BTBD9: variants seen among roughly 807,000 people sequenced by gnomAD.
BTBD9 encodes the protein BTB/POZ domain-containing protein 9.
A neutral mutation model predicts 64.3 loss-of-function variants in BTBD9; 49 were observed. That is an observed-to-expected ratio of 0.76 (90% CI 0.61 to 0.97). The LOEUF (loss-of-function observed/expected upper bound fraction) is 0.97. Ranked by LOEUF, BTBD9 falls within the 50% of genes least tolerant of loss-of-function variation. The pLI, the probability that BTBD9 is intolerant of heterozygous loss-of-function variation, is 0.00. For synonymous variants in BTBD9, 260 were observed against 274.7 expected, an observed-to-expected ratio of 0.95 and a Z score of 0.53; for missense variants, 598 against 762.1, an observed-to-expected ratio of 0.78 and a Z score of 2.53.
chr6:38,277,326 T>TA (rs1295739361), intron 8 of BTBD9, among the ~76,000 whole-genome samples: 3 of 152,034 alleles, frequency 2.0e-5, no homozygotes, highest in Non-Finnish European at 2.9e-5. Flanking sequence ...CATAGGCTTT[T>TA]ATTTACAGAA....
chr6:38,441,421 A>G (rs1166408222), intron 6 of BTBD9, among the ~76,000 whole-genome samples: 1 of 152,054 alleles, frequency 6.6e-6, no homozygotes, highest in Non-Finnish European at 1.5e-5. Context: ...ACCTTATCCT[A>G]GGAGATGTTT....
At chr6:38,231,492 T>C (rs181404773) in intron 9 of BTBD9, among the ~76,000 whole-genome samples, 2 of 152,328 alleles carry the variant, frequency 1.3e-5, no homozygotes, top group Admixed American at 6.5e-5. Flanking sequence ...TTCATTTATA[T>C]ATAATTTTGC....
chr6:38,535,966 T>C (rs777947159), intron 6 of BTBD9, among the ~76,000 whole-genome samples: 8 of 151,890 alleles, frequency 5.3e-5, no homozygotes, highest in Non-Finnish European at 8.8e-5. Context: ...TCCAAAAGCA[T>C]AGGCAAGCAA....
At chr6:38,496,395 T>A (rs1771954800) in intron 6 of BTBD9, among the ~76,000 whole-genome samples, 1 of 152,000 alleles carries the variant, frequency 6.6e-6, no homozygotes, top group African/African-American at 2.4e-5. Flanking sequence ...GTAACCATAG[T>A]ACTTTGGGAG....
chr6:38,283,484 C>T (rs1285725033), intron 8 of BTBD9, among the ~76,000 whole-genome samples: 1 of 152,046 alleles, frequency 6.6e-6, no homozygotes, highest in Non-Finnish European at 1.5e-5. Flanking sequence ...CCTGTCTCTA[C>T]AAAAAATTTT....
At chr6:38,489,583 G>A (rs1303607518) in intron 6 of BTBD9, among the ~76,000 whole-genome samples, 1 of 152,130 alleles carries the variant, frequency 6.6e-6, no homozygotes, top group Non-Finnish European at 1.5e-5. Context: ...TCCATTGTGT[G>A]TATGTATAAT....
At chr6:38,629,578 C>T (rs1013028972) in intron 1 of BTBD9, among the ~76,000 whole-genome samples, 2 of 152,100 alleles carry the variant, frequency 1.3e-5, no homozygotes, top group African/African-American at 2.4e-5. Context: ...AATCCCAGCA[C>T]TTTGGGAGGC....
At chr6:38,295,259 GGCTCAA>G (rs1762116425) in intron 7 of BTBD9, among the ~76,000 whole-genome samples, 1 of 152,106 alleles carries the variant, frequency 6.6e-6, no homozygotes, top group Admixed American at 6.6e-5. Context: ...TGGACTCCCA[GGCTCAA>G]GCAATCCTCC....
rs1764206747 is a variant in BTBD9, at chr6:38,344,435, AAAAGTGACAATTC to A, written c.1264+536_1264+548del. Among the ~76,000 whole-genome samples, 3 of 148,270 alleles carry A rather than the reference AAAAGTGACAATTC, an allele frequency of 2.0e-5. No homozygotes were observed. In the South Asian group the frequency reaches 8.1e-4, roughly 40 times the overall value. ...AACTTGACTTTTGCAATGACAATTC[AAAAGTGACAATTC>A]AGTCACTTTGGTCTTACTTAAATTA... On this transcript the variant is annotated intron_variant, in intron 7 of 10. Transcript: ENST00000481247.
intron 6 of BTBD9, among the ~76,000 whole-genome samples, chr6:38,425,752 T>TAAAA (rs755397152): frequency 1.5e-5 from 2 of 135,612 alleles, no homozygotes; most frequent in East Asian, 2.1e-4. Context: ...TACCAATAAC[T>TAAAA]AAAAAAAAAA....
At chr6:38,526,566 T>C (rs1235387834) in intron 6 of BTBD9, among the ~76,000 whole-genome samples, 1 of 152,182 alleles carries the variant, frequency 6.6e-6, no homozygotes, top group African/African-American at 2.4e-5. Context: ...GCTTGCACCG[T>C]GCACCTGGAA....
At chr6:38,470,689 AGT>A (rs759186960) in intron 6 of BTBD9, among the ~76,000 whole-genome samples, 1 of 152,232 alleles carries the variant, frequency 6.6e-6, no homozygotes, top group Non-Finnish European at 1.5e-5. Flanking sequence ...ACAAGAGAAG[AGT>A]GTGTACCTCT....
chr6:38,339,079 C>T (rs1209021316), intron 7 of BTBD9, among the ~76,000 whole-genome samples: 1 of 152,158 alleles, frequency 6.6e-6, no homozygotes, highest in East Asian at 1.9e-4. Context: ...ATTCTATGTG[C>T]ATTTACTCTT....
intron 6 of BTBD9, among the ~76,000 whole-genome samples, chr6:38,489,206 T>C (rs1771589919): frequency 6.6e-6 from 1 of 152,198 alleles, no homozygotes; most frequent in Non-Finnish European, 1.5e-5. Context: ...CTTACAGCTT[T>C]TTTAAAAATG....
At chr6:38,539,838 T>C (rs1165252851) in intron 6 of BTBD9, among the ~76,000 whole-genome samples, 1 of 152,188 alleles carries the variant, frequency 6.6e-6, no homozygotes, top group African/African-American at 2.4e-5. Context: ...CATGATTCCA[T>C]GTTAGGCTCT....
intron 9 of BTBD9, among the ~76,000 whole-genome samples, chr6:38,240,401 A>C (rs1179549044): frequency 6.6e-6 from 1 of 152,248 alleles, no homozygotes; most frequent in Non-Finnish European, 1.5e-5. Context: ...CCTGACCTAA[A>C]GCAGTGGCTC....
At chr6:38,505,656 T>C (rs1772448944) in intron 6 of BTBD9, among the ~76,000 whole-genome samples, 1 of 149,610 alleles carries the variant, frequency 6.7e-6, no homozygotes, top group Non-Finnish European at 1.5e-5. Context: ...TGCAACTGAA[T>C]TTCAGTATAT....
chr6:38,409,991 C>G (rs1233029240), intron 6 of BTBD9, among the ~76,000 whole-genome samples: 3 of 152,146 alleles, frequency 2.0e-5, no homozygotes, highest in Non-Finnish European at 4.4e-5. Context: ...TAATCATTTT[C>G]TAGAGCTAAA....
At chr6:38,392,459 A>G (rs1311667299) in intron 6 of BTBD9, among the ~76,000 whole-genome samples, 2 of 152,148 alleles carry the variant, frequency 1.3e-5, no homozygotes, top group African/African-American at 4.8e-5. Context: ...ACTCCTTTTT[A>G]AGCTGGGGAA....
Sources: gnomAD v4.1 joint callset for allele counts (sites outside exome capture counted in the v4.1 genomes callset) on GRCh38, gnomAD v4.1.1 for gene constraint, MANE v1.5 for transcripts, NCBI Gene and HGNC (gene_info 2026-07-23, HGNC 2026-07-21) for gene names.